PRH1: variants seen among roughly 807,000 people sequenced by gnomAD.
PRH1 encodes salivary acidic proline-rich phosphoprotein 1/2.
In PRH1, 7 loss-of-function variants were observed where a neutral mutation model predicts 7.9. That is an observed-to-expected ratio of 0.89 (90% confidence interval 0.50 to 1.67). The LOEUF (loss-of-function observed/expected upper bound fraction) is 1.67. Among genes scored for constraint, PRH1 ranks in the 40% most tolerant of loss-of-function variants. PRH1 has a pLI of 0.00. For synonymous variants in PRH1, 45 were observed against 80.8 expected, an observed-to-expected ratio of 0.56 and a Z score of 2.38; for missense variants, 109 against 223.6, an observed-to-expected ratio of 0.49 and a Z score of 3.27.
intron 1 of PRH1, among the ~76,000 whole-genome samples, chr12:10,983,291 GCAC>G (rs1368787323): frequency 6.6e-6 from 1 of 152,146 alleles, no homozygotes; most frequent in Non-Finnish European, 1.5e-5. Context: ...CTAAGCATAA[GCAC>G]TTCTAAGCAC....
upstream of PRH1, among the ~76,000 whole-genome samples, chr12:11,050,746 T>C (rs903066037): frequency 5.3e-5 from 8 of 152,296 alleles, no homozygotes; most frequent in Admixed American, 4.6e-4. Context: ...TACCTGGAAC[T>C]TGGACTCTGA....
At chr12:11,067,230 T>A (rs1382894001) in intron 1 of PRH1, among the ~76,000 whole-genome samples, 2 of 152,192 alleles carry the variant, frequency 1.3e-5, no homozygotes, top group Admixed American at 6.5e-5. Flanking sequence ...AATCAAAAAA[T>A]TTATATTAAC....
intron 1 of PRH1, among the ~76,000 whole-genome samples, chr12:11,135,214 C>T (rs1946511351): frequency 6.6e-6 from 1 of 152,140 alleles, no homozygotes. Flanking sequence ...CCTCCCATCA[C>T]ACGAAGACTG....
chr12:11,127,903 G>C (rs766514767), intron 1 of PRH1, among the ~76,000 whole-genome samples: 2 of 151,146 alleles, frequency 1.3e-5, no homozygotes, highest in Non-Finnish European at 3.0e-5. Flanking sequence ...TCAGGAGATC[G>C]AGACCATCCT....
At chr12:10,956,438 A>G (rs1937964155) in intron 2 of PRH1, among the ~76,000 whole-genome samples, 1 of 152,200 alleles carries the variant, frequency 6.6e-6, no homozygotes, top group Admixed American at 6.5e-5. Context: ...AATAAGAGCC[A>G]CCCATGACAA....
At chr12:11,139,322 T>G (rs1946642292) in intron 1 of PRH1, among the ~76,000 whole-genome samples, 1 of 152,140 alleles carries the variant, frequency 6.6e-6, no homozygotes, top group African/African-American at 2.4e-5. Flanking sequence ...TTGCCAGCAA[T>G]CCAGATACTC....
At chr12:11,086,006 T>C (rs79782447) in intron 1 of PRH1, among the ~76,000 whole-genome samples, 37,401 of 95,776 alleles carry the variant, frequency 0.39, 4,834 homozygotes, top group Non-Finnish European at 0.48. Context: ...AGGTTTTCTT[T>C]GGAAGCCCAG....
intron 1 of PRH1, among the ~76,000 whole-genome samples, chr12:11,105,029 C>T (rs1409595300): frequency 6.6e-6 from 1 of 151,724 alleles, no homozygotes; most frequent in South Asian, 2.1e-4. Context: ...AATTGTCTAA[C>T]CTTTTTCTTC....
chr12:11,019,683 A>G (rs1463818127), intron 1 of PRH1, among the ~76,000 whole-genome samples: 1 of 152,290 alleles, frequency 6.6e-6, no homozygotes, highest in African/African-American at 2.4e-5. Flanking sequence ...GAAAGTGATT[A>G]GGTACATTTC....
chr12:11,040,751 A>G (rs1942672834), intron 1 of PRH1, among the ~76,000 whole-genome samples: 1 of 152,236 alleles, frequency 6.6e-6, no homozygotes, highest in Non-Finnish European at 1.5e-5. Flanking sequence ...CATAGACAGT[A>G]CAATAAGATA....
chr12:11,171,378 T>G, intron 1 of PRH1: 1 of 1,231,838 alleles, frequency 8.1e-7, no homozygotes, highest in Non-Finnish European at 1.0e-6. Flanking sequence ...GGCGGCTCCG[T>G]CCTCCTTGGC....
At chr12:10,973,577 C>A in intron 2 of PRH1, 2 of 711,528 alleles carry the variant, frequency 2.8e-6, no homozygotes, top group Non-Finnish European at 5.2e-6. Flanking sequence ...CTTGCAATTT[C>A]ACCTGTCTGA....
intron 1 of PRH1, among the ~76,000 whole-genome samples, chr12:11,109,935 C>T (rs1231783124): frequency 2.0e-5 from 3 of 152,166 alleles, no homozygotes; most frequent in African/African-American, 7.2e-5. Context: ...AAGGTTAGAG[C>T]AATTGCTACC....
intron 1 of PRH1, chr12:11,097,107 T>G (rs1945093276): frequency 6.5e-6 from 1 of 154,518 alleles, no homozygotes; most frequent in Non-Finnish European, 1.5e-5. Context: ...CTATGCTGTT[T>G]TAATTAGCAA....
chr12:10,980,077 C>T (rs1445671491), intron 1 of PRH1, among the ~76,000 whole-genome samples: 2 of 152,024 alleles, frequency 1.3e-5, no homozygotes, highest in African/African-American at 4.8e-5. Flanking sequence ...ACATCATCAG[C>T]ACACAGAAAG....
intron 1 of PRH1, among the ~76,000 whole-genome samples, chr12:10,987,640 G>A (rs1939717083): frequency 6.6e-6 from 1 of 151,824 alleles, no homozygotes; most frequent in African/African-American, 2.4e-5. Context: ...TCTCCTGGAG[G>A]CCATCCACGT....
intron 1 of PRH1, among the ~76,000 whole-genome samples, chr12:11,028,941 CACT>C (rs2136093203): frequency 6.6e-6 from 1 of 152,394 alleles, no homozygotes; most frequent in Non-Finnish European, 1.5e-5. Flanking sequence ...GTTTCCTTTT[CACT>C]GGTTTACCAC....
intron 1 of PRH1, chr12:11,134,066 C>T: frequency 6.2e-7 from 1 of 1,614,116 alleles, no homozygotes; most frequent in Non-Finnish European, 8.5e-7. Flanking sequence ...TAATAACACC[C>T]AGAGCAAACC....
chr12:10,938,353 C>A (rs780607596), intron 2 of PRH1: 1 of 1,614,034 alleles, frequency 6.2e-7, no homozygotes, highest in Non-Finnish European at 8.5e-7. Flanking sequence ...GTCTCAGCTT[C>A]TTGTTTCCAA....
Sources: allele counts gnomAD v4.1 joint callset (sites outside exome capture counted in the v4.1 genomes callset), GRCh38; gene constraint gnomAD v4.1.1; transcripts MANE v1.5; gene names NCBI Gene and HGNC (gene_info 2026-07-23, HGNC 2026-07-21).